The following PLEK2 variants were observed in gnomAD, a reference collection of about 807,000 sequenced individuals.
PLEK2 encodes pleckstrin-2.
Under a neutral mutation model 43.8 loss-of-function variants are expected in PLEK2, and 29 were observed. The ratio of observed to expected loss-of-function variants is 0.66; its 90% CI spans 0.49 to 0.90. The LOEUF (loss-of-function observed/expected upper bound fraction) is 0.90. PLEK2 is among the 40% of genes least tolerant of loss of function. The probability of loss-of-function intolerance (pLI) is 0.00; values close to 1 mark genes in which losing one functional copy is unlikely to be tolerated. For synonymous variants in PLEK2, 162 were observed against 173.2 expected (o/e 0.94, Z 0.51); for missense variants, 398 against 448.1 (o/e 0.89, Z 1.01).
At chr14:67,408,899 A>G (rs2086098767) in intron 1 of PLEK2, among the ~76,000 whole-genome samples, 1 of 152,108 alleles carries the variant, frequency 6.6e-6, no homozygotes, top group South Asian at 2.1e-4. Flanking sequence ...TGGTGGGGAC[A>G]GACAGGTGGT....
intron 6 of PLEK2, among the ~76,000 whole-genome samples, chr14:67,391,561 A>G (rs1348502414): frequency 6.6e-6 from 1 of 152,196 alleles, no homozygotes; most frequent in Non-Finnish European, 1.5e-5. Context: ...CAGCAACAGC[A>G]CATGCTCCGA....
intron 1 of PLEK2, among the ~76,000 whole-genome samples, chr14:67,409,773 A>C (rs1187592832): frequency 6.6e-6 from 1 of 151,806 alleles, no homozygotes; most frequent in African/African-American, 2.4e-5. Context: ...GCCCTGCCCC[A>C]CCTCTGAGCT....
chr14:67,393,484 C>T (rs1032156104), intron 3 of PLEK2, among the ~76,000 whole-genome samples: 4 of 152,048 alleles, frequency 2.6e-5, no homozygotes, highest in East Asian at 1.9e-4. Flanking sequence ...GACAGAGTCT[C>T]GCTCCGTCAC....
intron 5 of PLEK2, 54 bp downstream of exon 5, chr14:67,392,608 G>A: frequency 6.6e-6 from 10 of 1,514,330 alleles, no homozygotes; most frequent in Non-Finnish European, 9.1e-6. Context: ...CCATTCTGTT[G>A]TGTCTTCCTT....
intron 1 of PLEK2, 78 bp downstream of exon 1, chr14:67,411,940 C>G: frequency 7.6e-7 from 1 of 1,313,278 alleles, no homozygotes; most frequent in Non-Finnish European, 1.0e-6. Context: ...TTCCGGGGCG[C>G]GCGTCTGGCC....
intron 2 of PLEK2, among the ~76,000 whole-genome samples, chr14:67,396,748 G>A (rs2086013335): frequency 6.6e-6 from 1 of 152,210 alleles, no homozygotes; most frequent in Admixed American, 6.5e-5. Context: ...CCTCTTCAGG[G>A]ATAAAGGGTT....
At chr14:67,400,280 G>A (rs2086039004) in intron 1 of PLEK2, among the ~76,000 whole-genome samples, 1 of 152,194 alleles carries the variant, frequency 6.6e-6, no homozygotes, top group African/African-American at 2.4e-5. Flanking sequence ...GCTACGTGAT[G>A]ATCACTCTGT....
At chr14:67,396,514 CT>C (rs1298293198) in intron 2 of PLEK2, among the ~76,000 whole-genome samples, 1 of 127,844 alleles carries the variant, frequency 7.8e-6, no homozygotes, top group Non-Finnish European at 1.5e-5. Context: ...TTACCTCCAT[CT>C]GGCCCAAACC....
At chr14:67,404,684 C>T (rs1472029177) in intron 1 of PLEK2, among the ~76,000 whole-genome samples, 2 of 150,844 alleles carry the variant, frequency 1.3e-5, no homozygotes, top group Admixed American at 6.6e-5. Context: ...GTGACATGCA[C>T]CTGTGGTCCC....
At position 67,387,394 on chromosome 14, in the gene PLEK2, AAT is replaced by A. The variant is rs1474674129; in HGVS notation, c.995_996del (p.Tyr332LeufsTer9). ...FKVITKDDTHYYIQASSKAER... is the reference protein window; with the variant it reads ...FKVITKDDTHXYIQASSKAER... ...TCAGCCTTGCTGCTGGCCTGAATGT[AAT>A]AGTGTGTGTCATCCTTAGTAATCAC... On this transcript the variant is annotated frameshift_variant, in exon 9 of 9. Coordinates refer to ENST00000216446, the MANE Select transcript of PLEK2 (RefSeq NM_016445.3). LOFTEE classifies it high-confidence loss of function. 1 of 1,611,226 alleles carries A rather than the reference AAT, an allele frequency of 6.2e-7. No individual in the cohort carries two copies.
intron 6 of PLEK2, among the ~76,000 whole-genome samples, chr14:67,392,018 T>G (rs1298958267): frequency 6.6e-6 from 1 of 152,312 alleles, no homozygotes; most frequent in East Asian, 1.9e-4. Context: ...AGCAAAAGCT[T>G]CCAAGACAAA....
rs1250838501 is a variant in PLEK2 at position 67,391,291 on chromosome 14, G to GTGTC, written c.772-546_772-545insGACA. 8.1e-4 allele frequency among the ~76,000 whole-genome samples: 122 copies of GTGTC among 151,360 alleles called. 2 individuals are homozygous for GTGTC. The highest frequency in any genetic ancestry group is 2.9e-3 in the African/African-American group (118 of 40,878). On this transcript the variant is annotated intron_variant, in intron 6 of 8. Coordinates refer to ENST00000216446, the MANE Select transcript of PLEK2 (RefSeq NM_016445.3). ...CTGATATGTGTGTGTGTGTGTGTGT[G>GTGTC]TGTGTGTGTGTGTGACTTTCTTTGG... is the stretch of plus-strand genomic sequence containing the variant.
At chr14:67,389,148 T>C (rs2085948866) in intron 7 of PLEK2, among the ~76,000 whole-genome samples, 2 of 152,046 alleles carry the variant, frequency 1.3e-5, no homozygotes, top group South Asian at 2.1e-4. Context: ...CTAGGAGCCC[T>C]TCAATTAATC....
chr14:67,388,406 T>C lies in PLEK2; in HGVS notation c.856-104A>G, dbSNP rs752875589. 4.1e-6 allele frequency: 3 copies of C among 739,776 alleles called. No individual in the cohort carries two copies. Among genetic ancestry groups the C allele is most frequent in the Non-Finnish European group, 7.4e-6 (3 of 404,932 alleles). 45.8% of individuals were successfully genotyped at this position (739,776 alleles called of 1,614,324 possible). On this transcript the variant is annotated intron_variant, in intron 7 of 8. Transcript: ENST00000216446. ...CAGCTAAAGAAGTGAGTGCAAATCA[T>C]TTGTAATAGAAGATGAAGCTGAACT...
chr14:67,393,127 C>T, intron 4 of PLEK2, 23 bp downstream of exon 4: 5 of 1,563,146 alleles, frequency 3.2e-6, no homozygotes, highest in Non-Finnish European at 4.4e-6. Flanking sequence ...ACTGCCCAGC[C>T]CGGCCCTGGG....
chr14:67,394,157 A>C (rs1026435914), intron 3 of PLEK2, among the ~76,000 whole-genome samples: 2 of 152,134 alleles, frequency 1.3e-5, no homozygotes, highest in African/African-American at 4.8e-5. Context: ...TCTTCTCCTT[A>C]TCTAAATGTT....
intron 6 of PLEK2, 77 bp from the exon 7 acceptor site, chr14:67,390,823 C>T (rs1159496886): frequency 5.9e-6 from 6 of 1,020,440 alleles, no homozygotes; most frequent in Non-Finnish European, 9.4e-6. Context: ...CATGTAATGC[C>T]AAACCCCCAA....
At chr14:67,388,482 C>T (rs1350328984) in intron 7 of PLEK2, among the ~76,000 whole-genome samples, 180 bp from the exon 8 acceptor site, 1 of 152,176 alleles carries the variant, frequency 6.6e-6, no homozygotes, top group East Asian at 1.9e-4. Flanking sequence ...GCTTGGGCCT[C>T]TTCATTTCAC....
At chr14:67,388,828 C>T (rs536603213) in intron 7 of PLEK2, among the ~76,000 whole-genome samples, 22 of 152,134 alleles carry the variant, frequency 1.4e-4, no homozygotes, top group South Asian at 8.3e-4. Context: ...TACAAGCACA[C>T]GCCACCACAC....
Sources: allele counts gnomAD v4.1 joint callset (sites outside exome capture counted in the v4.1 genomes callset), GRCh38; gene constraint gnomAD v4.1.1; transcripts MANE v1.5; gene names NCBI Gene and HGNC (gene_info 2026-07-23, HGNC 2026-07-21).